The following TPM3 variants were observed in gnomAD, a reference collection of about 807,000 sequenced individuals.
TPM3 encodes the protein tropomyosin alpha-3 chain.
A neutral mutation model predicts 43.1 loss-of-function variants in TPM3; 16 were observed. The observed-to-expected ratio is 0.37, with a 90% CI of 0.25 to 0.56. TPM3 has a LOEUF of 0.56. Among genes scored for constraint, TPM3 ranks in the 20% least tolerant of loss-of-function variants. The pLI, the probability that TPM3 is intolerant of heterozygous loss-of-function variation, is 0.77. For synonymous variants in TPM3, 101 were observed against 116.9 expected, an observed-to-expected ratio of 0.86 and a Z score of 0.88; for missense variants, 176 against 337.2, an observed-to-expected ratio of 0.52 and a Z score of 3.74.
downstream of TPM3, among the ~76,000 whole-genome samples, chr1:154,159,539 G>A (rs1174788030): frequency 1.3e-5 from 2 of 152,168 alleles, no homozygotes; most frequent in Non-Finnish European, 2.9e-5. Flanking sequence ...ACTTTCTAAT[G>A]CTTTGTGTTA....
chr1:154,188,198 G>A (rs756484749), intron 2 of TPM3, among the ~76,000 whole-genome samples: 4 of 151,430 alleles, frequency 2.6e-5, no homozygotes, highest in Non-Finnish European at 5.9e-5. Context: ...CGGGACTACC[G>A]GCACATGCCA....
At chr1:154,158,965 C>G (rs372150533), downstream of TPM3, 3 of 780,240 alleles carry the variant, frequency 3.8e-6, no homozygotes, top group African/African-American at 5.1e-5. Context: ...TTGAGCCCTG[C>G]CCATCAGTCA....
At chr1:154,174,407 T>TATACACACACAC (rs1261318136) in intron 3 of TPM3, among the ~76,000 whole-genome samples, 9 of 72,692 alleles carry the variant, frequency 1.2e-4, no homozygotes, top group South Asian at 5.6e-4. Context: ...TATATATATA[T>TATACACACACAC]ACACACAAAA....
chr1:154,182,357 G>GC (rs1663052776), intron 2 of TPM3, among the ~76,000 whole-genome samples: 1 of 152,200 alleles, frequency 6.6e-6, no homozygotes, highest in Admixed American at 6.5e-5. Flanking sequence ...AGAGGAAAGG[G>GC]CCCCTGGCCA....
intron 2 of TPM3, among the ~76,000 whole-genome samples, chr1:154,189,233 A>G (rs954200238): frequency 1.4e-5 from 2 of 146,096 alleles, no homozygotes; most frequent in African/African-American, 5.1e-5. Flanking sequence ...CTGTAATCCC[A>G]GTACTTTGGG....
rs1043806769 is a variant in TPM3, at chr1:154,173,074, G to C, written c.495+10C>G. The C allele has an allele frequency of 6.2e-7, 1 of 1,614,060 alleles. No individual in the cohort carries two copies. The highest frequency in any genetic ancestry group is 1.6e-4 in the Middle Eastern group (1 of 6,062). On this transcript the variant is annotated intron_variant, in intron 4 of 9. Coordinates refer to ENST00000651641, the MANE Select transcript of TPM3 (RefSeq NM_152263.4). Reference sequence around the variant, plus strand: ...GCCGATACGAGAGGGACTAACAGAAGGTCACTTACCTCTTCATACTTCCTA... The same window carrying C: ...GCCGATACGAGAGGGACTAACAGAACGTCACTTACCTCTTCATACTTCCTA...
chr1:154,174,407 T>TATATATATATATATATATACACAC (rs1261318136), intron 3 of TPM3, among the ~76,000 whole-genome samples: 4 of 72,692 alleles, frequency 5.5e-5, no homozygotes, highest in African/African-American at 1.0e-4. Context: ...TATATATATA[T>TATATATATATATATATATACACAC]ACACACAAAA....
intron 3 of TPM3, among the ~76,000 whole-genome samples, chr1:154,173,472 C>G (rs567220525): frequency 1.1e-4 from 17 of 152,124 alleles, no homozygotes; most frequent in Non-Finnish European, 1.6e-4. Flanking sequence ...CAAGACCAGC[C>G]TGACCAACAT....
rs1661773053 is a variant in TPM3, at chr1:154,172,956, A to G, written c.518T>C (p.Ile173Thr). The G allele has an allele frequency of 1.2e-6, 2 of 1,614,212 alleles. No individual in the cohort carries two copies. Among genetic ancestry groups the G allele is most frequent in the East Asian group, 2.2e-5 (1 of 44,888 alleles). Residue 173 changes from isoleucine (I) to threonine (T), a missense_variant, in exon 5 of 10, where the codon ATT (isoleucine) becomes ACT (threonine). Ile to Thr is a moderately conservative substitution (Grantham distance 89, BLOSUM62 -1). Around this residue, in one of 4 missense-constraint regions of TPM3, gnomAD observed 15 missense variants for 68.4 expected, o/e 0.22. Transcript: ENST00000651641. ...CTCTGTGCGTTCCAAGTCTCCTTCAATGATCACCAACTTACGAGCCACCTA... is the reference window on the plus strand; with the variant it reads ...CTCTGTGCGTTCCAAGTCTCCTTCAGTGATCACCAACTTACGAGCCACCTA... ...YEEVARKLVIIEGDLERTEER... is the reference protein window; with the variant it reads ...YEEVARKLVITEGDLERTEER...
intron 2 of TPM3, among the ~76,000 whole-genome samples, chr1:154,182,740 A>G (rs972648027): frequency 2.0e-5 from 3 of 151,934 alleles, no homozygotes; most frequent in African/African-American, 7.3e-5. Flanking sequence ...AAGAGGAGGA[A>G]AGCCACACCC....
rs1183582034 is a variant in TPM3, at chr1:154,164,722, CAAGT to C, written c.*3211_*3214del. 6.6e-6 allele frequency among the ~76,000 whole-genome samples: 1 copy of C among 151,998 alleles called. No individual in the cohort carries two copies. The highest frequency in any genetic ancestry group is 1.5e-5 in the Non-Finnish European group (1 of 68,002). On this transcript the variant is annotated 3_prime_UTR_variant, in exon 10 of 10. Coordinates refer to ENST00000651641, the MANE Select transcript of TPM3 (RefSeq NM_152263.4). ...CTTTGATTTCAAAATAGAATTGTGT[CAAGT>C]AAGAACAAAATAAATCTGGAAATGA... is the stretch of plus-strand genomic sequence containing the variant.
Position 154,170,473 on chromosome 1 carries a change from G to A in TPM3, c.706-4C>T, listed in dbSNP as rs2148231499. On this transcript the variant is annotated splice_polypyrimidine_tract_variant and splice_region_variant and intron_variant, in intron 7 of 9. Transcript: ENST00000651641. ...CAAACTCAGCACGGGTCTCTGCCTG[G>A]GGGAAATATGAAATTAGTCAGAACC... is the stretch of plus-strand genomic sequence containing the variant. 1 of 1,614,050 alleles carries A rather than the reference G, an allele frequency of 6.2e-7. No homozygotes were observed. The highest frequency in any genetic ancestry group is 8.5e-7 in the Non-Finnish European group (1 of 1,179,998).
chr1:154,188,725 G>C (rs1432676352), intron 2 of TPM3, among the ~76,000 whole-genome samples: 1 of 148,828 alleles, frequency 6.7e-6, no homozygotes, highest in Non-Finnish European at 1.5e-5. Flanking sequence ...TTGGAAGAAT[G>C]AGTTTAAATG....
At chr1:154,187,488 T>G in intron 2 of TPM3, 1 of 984,686 alleles carries the variant, frequency 1.0e-6, no homozygotes, top group Non-Finnish European at 1.2e-6. Context: ...AACCCTCACT[T>G]TACATATTTA....
chr1:154,181,730 G>C (rs1662966709), intron 2 of TPM3, among the ~76,000 whole-genome samples: 1 of 152,162 alleles, frequency 6.6e-6, no homozygotes, highest in African/African-American at 2.4e-5. Flanking sequence ...GACCAGCCTG[G>C]CCAACATGGC....
chr1:154,169,244 C>T lies in TPM3; in HGVS notation c.854+61G>A, dbSNP rs554420884. The T allele has an allele frequency of 2.6e-6, 4 of 1,527,986 alleles. No homozygotes were observed. The African/African-American group carries it at 5.5e-5, about 21-fold the overall frequency. The allele number at this position is 1,527,986 out of a possible 1,614,324, so 94.7% of individuals were successfully genotyped here. A position where few individuals can be genotyped will look rare whatever the true frequency, so the allele number is the denominator to read the frequency against. On this transcript the variant is annotated intron_variant, in intron 9 of 9. Coordinates refer to ENST00000651641, the MANE Select transcript of TPM3 (RefSeq NM_152263.4). ...AACCAAAGCACACCACTATGCATAG[C>T]TTGTACCCCCATCCACCCACAAGCC...
intron 2 of TPM3, among the ~76,000 whole-genome samples, chr1:154,182,658 G>C (rs1218113001): frequency 6.6e-6 from 1 of 152,168 alleles, no homozygotes; most frequent in Admixed American, 6.5e-5. Flanking sequence ...AAGTGGGGGA[G>C]GGAGAAGCCG....
At position 154,167,896 on chromosome 1, in the gene TPM3, G is replaced by A; in HGVS notation, c.*41C>T. On this transcript the variant is annotated 3_prime_UTR_variant, in exon 10 of 10. Transcript: ENST00000651641. ...AGTGGGGCCTTGGGTTCCCCGAGGAGTAAAGGGGGCAGATCCAGAACAGAG... is the reference window on the plus strand; with the variant it reads ...AGTGGGGCCTTGGGTTCCCCGAGGAATAAAGGGGGCAGATCCAGAACAGAG... 1 of 1,614,038 alleles carries A rather than the reference G, an allele frequency of 6.2e-7. No homozygotes were observed. Among genetic ancestry groups the A allele is most frequent in the Non-Finnish European group, 8.5e-7 (1 of 1,179,946 alleles).
intron 8 of TPM3, chr1:154,169,628 A>G (rs982539101): frequency 1.4e-5 from 8 of 581,848 alleles, no homozygotes; most frequent in Middle Eastern, 9.2e-4. Flanking sequence ...GGGCACAGTC[A>G]TAACTAGAAA....
Sources: allele counts gnomAD v4.1 joint callset (sites outside exome capture counted in the v4.1 genomes callset), GRCh38; gene constraint gnomAD v4.1.1; regional missense constraint gnomAD v4.1.1; transcripts MANE v1.5; gene names NCBI Gene and HGNC (gene_info 2026-07-23, HGNC 2026-07-21).